Variants in RNF144A observed in about 807,000 individuals in gnomAD.
RNF144A encodes E3 ubiquitin-protein ligase RNF144A.
In RNF144A, 11 loss-of-function variants were observed where a neutral mutation model predicts 38.7. The observed-to-expected ratio is 0.28, with a 90% CI of 0.18 to 0.47. The LOEUF (loss-of-function observed/expected upper bound fraction) is 0.47, where lower values mean the gene tolerates loss of function less well. RNF144A is among the 20% of genes least tolerant of loss of function. RNF144A has a pLI of 0.99. For missense variants in RNF144A, 316 were observed against 377.2 expected, an observed-to-expected ratio of 0.84 and a Z score of 1.34; for synonymous variants, 149 against 143.9, an observed-to-expected ratio of 1.04 and a Z score of -0.25.
intron 3 of RNF144A, among the ~76,000 whole-genome samples, chr2:7,003,626 A>G (rs1572380730): frequency 6.6e-6 from 1 of 152,360 alleles, no homozygotes. Context: ...ACTACATTCT[A>G]TAATGTTTGC....
Position 7,042,236 on chromosome 2 carries a change from C to G in RNF144A, c.*2476C>G, listed in dbSNP as rs1673089204. On this transcript the variant is annotated 3_prime_UTR_variant, in exon 9 of 9. Transcript: ENST00000320892. ...TCTTTGATGGGAATACAGTATGAAC[C>G]CTGCTTGATGTAAAATGGAAATAGC... The G allele has an allele frequency of 3.0e-6, 3 of 985,392 alleles. No individual in the cohort carries two copies. Among genetic ancestry groups the G allele is most frequent in the Non-Finnish European group, 3.6e-6 (3 of 829,944 alleles). 61.0% of individuals were successfully genotyped at this position (985,392 alleles called of 1,614,324 possible).
At chr2:7,035,607 AC>A (rs1291682144) in intron 8 of RNF144A, among the ~76,000 whole-genome samples, 1 of 152,030 alleles carries the variant, frequency 6.6e-6, no homozygotes, top group East Asian at 1.9e-4. Context: ...CTCCACTCAA[AC>A]CTCAGGAGCA....
intron 5 of RNF144A, among the ~76,000 whole-genome samples, chr2:7,017,761 T>C (rs1671234544): frequency 1.3e-5 from 2 of 151,208 alleles, no homozygotes; most frequent in Middle Eastern, 3.4e-3. Flanking sequence ...GGGAGGATAA[T>C]GCAGAATGTT....
rs1240419750 is a variant in RNF144A at position 6,978,242 on chromosome 2, A to G, written c.-11-18674A>G. ...ATGATGGCCTGTGAATGTGGAAAAC[A>G]TGGTTGGATATGGTGGGTTCTATTG... On this transcript the variant is annotated intron_variant, in intron 2 of 8. Transcript: ENST00000320892. Among the ~76,000 whole-genome samples the G allele has an allele frequency of 3.3e-5, 5 of 152,206 alleles. No individual in the cohort carries two copies. The South Asian group carries it at 1.0e-3, about 32-fold the overall frequency.
At chr2:6,993,352 G>A (rs1432494606) in intron 2 of RNF144A, among the ~76,000 whole-genome samples, 1 of 152,122 alleles carries the variant, frequency 6.6e-6, no homozygotes, top group Non-Finnish European at 1.5e-5. Flanking sequence ...AAGCCACTGG[G>A]GGCCAGATAG....
chr2:7,016,424 T>C (rs2103422339), intron 5 of RNF144A, among the ~76,000 whole-genome samples: 1 of 152,336 alleles, frequency 6.6e-6, no homozygotes, highest in South Asian at 2.1e-4. Flanking sequence ...TGACATTGAA[T>C]TTAATTTAAA....
At chr2:6,961,169 T>C (rs981545369) in intron 2 of RNF144A, among the ~76,000 whole-genome samples, 2 of 152,170 alleles carry the variant, frequency 1.3e-5, no homozygotes, top group Non-Finnish European at 2.9e-5. Flanking sequence ...TTTTCTTTTT[T>C]TAAGTCTGAT....
At chr2:7,000,156 C>T (rs1351043491) in intron 3 of RNF144A, among the ~76,000 whole-genome samples, 2 of 152,216 alleles carry the variant, frequency 1.3e-5, no homozygotes, top group African/African-American at 2.4e-5. Flanking sequence ...AGCCTGTGCA[C>T]ATGTTCCAGG....
chr2:7,013,991 C>A (rs1362253034), intron 3 of RNF144A, among the ~76,000 whole-genome samples: 1 of 152,208 alleles, frequency 6.6e-6, no homozygotes, highest in African/African-American at 2.4e-5. Flanking sequence ...CAACTTCCTC[C>A]TTTGCTGACT....
At chr2:7,018,532 ACCC>A (rs577486826) in intron 5 of RNF144A, among the ~76,000 whole-genome samples, 90 of 151,984 alleles carry the variant, frequency 5.9e-4, no homozygotes, top group Non-Finnish European at 9.4e-4. Context: ...TGGCATGTGC[ACCC>A]CCTCCTTGCT....
intron 8 of RNF144A, among the ~76,000 whole-genome samples, chr2:7,039,118 GGATA>G (rs1032347131): frequency 2.7e-5 from 4 of 150,744 alleles, no homozygotes; most frequent in African/African-American, 7.3e-5. Context: ...ATGGATGGAT[GGATA>G]GATGGATGGG....
At chr2:7,067,778 C>T (rs10175695) in intron 6 of RNF144A, among the ~76,000 whole-genome samples, 43,718 of 152,028 alleles carry the variant, frequency 0.29, 6,777 homozygotes, top group East Asian at 0.49. Flanking sequence ...CCTATGTCTA[C>T]CTGTGTACTT....
chr2:7,014,556 G>C lies in RNF144A; in HGVS notation c.238G>C (p.Glu80Gln), dbSNP rs777934412. 6.3e-7 allele frequency: 1 copy of C among 1,596,420 alleles called. No homozygotes were observed. The change falls in exon 4 of 9, where the codon GAG becomes CAG. Residue 80 changes from glutamate (E) to glutamine (Q), a missense_variant and splice_region_variant. Transcript: ENST00000320892. ...CPKQGHLQEN[E>Q]IECMVAAEIM... ...TAAACAGGGCCACCTACAGGAGAAC[G>C]AGGCATGTGCAATTGAACAGACTGG...
chr2:7,055,199 G>C (rs759044395), intron 6 of RNF144A, among the ~76,000 whole-genome samples: 11 of 152,064 alleles, frequency 7.2e-5, no homozygotes, highest in Non-Finnish European at 1.6e-4. Flanking sequence ...GCAAATGATG[G>C]AATTATTCAA....
chr2:6,939,044 T>C (rs971134678), intron 1 of RNF144A, among the ~76,000 whole-genome samples: 1 of 151,074 alleles, frequency 6.6e-6, no homozygotes, highest in African/African-American at 2.4e-5. Flanking sequence ...GCTGTGAACA[T>C]TCCTGTATAG....
At chr2:7,061,396 C>T (rs946307030) in intron 6 of RNF144A, among the ~76,000 whole-genome samples, 5 of 152,128 alleles carry the variant, frequency 3.3e-5, no homozygotes, top group Admixed American at 1.3e-4. Flanking sequence ...TCTATTGTTC[C>T]TGGAAGACTT....
chr2:7,048,960 A>C (rs1673413170), downstream of RNF144A, among the ~76,000 whole-genome samples: 1 of 152,180 alleles, frequency 6.6e-6, no homozygotes, highest in African/African-American at 2.4e-5. Context: ...TAGAGATGCA[A>C]AGCCTCCTAG....
chr2:7,053,017 A>G (rs1673588904), intron 6 of RNF144A, among the ~76,000 whole-genome samples: 1 of 152,246 alleles, frequency 6.6e-6, no homozygotes, highest in African/African-American at 2.4e-5. Context: ...TTAAACTTCT[A>G]CAACATAATT....
At chr2:7,015,456 C>T (rs1671073924) in intron 5 of RNF144A, among the ~76,000 whole-genome samples, 1 of 152,178 alleles carries the variant, frequency 6.6e-6, no homozygotes, top group African/African-American at 2.4e-5. Flanking sequence ...CTGAATAGTC[C>T]TTCTGGCTGG....
Sources: gnomAD v4.1 joint callset for allele counts (sites outside exome capture counted in the v4.1 genomes callset) on GRCh38, gnomAD v4.1.1 for gene constraint, MANE v1.5 for transcripts, NCBI Gene and HGNC (gene_info 2026-07-23, HGNC 2026-07-21) for gene names.